Variants in TNXB observed in about 807,000 individuals in gnomAD.
The protein encoded by TNXB is tenascin-X.
Under a neutral mutation model 340.5 loss-of-function variants are expected in TNXB, and 183 were observed. The observed-to-expected ratio is 0.54, with a 90% CI of 0.48 to 0.61. The LOEUF (loss-of-function observed/expected upper bound fraction) is 0.61. TNXB is among the 20% of genes least tolerant of loss of function. The pLI is 0.00. For missense variants in TNXB, 4,613 were observed against 5,446.4 expected (o/e 0.85, Z 4.82); for synonymous variants, 2,121 against 2,314.5 (o/e 0.92, Z 2.40).
rs1778880016 is a variant in TNXB at position 32,073,231 on chromosome 6, G to C, written c.4681+416C>G. Among the ~76,000 whole-genome samples, 1 of 152,150 alleles carries C rather than the reference G, an allele frequency of 6.6e-6. No individual in the cohort carries two copies. Among genetic ancestry groups the C allele is most frequent in the African/African-American group, 2.4e-5 (1 of 41,434 alleles). Reference sequence around the variant, plus strand: ...GCAGGTGGCAGAGGACTCCTGAGAAGGGACTCAGGATGTAAAGCACTTCGC... The same window carrying C: ...GCAGGTGGCAGAGGACTCCTGAGAACGGACTCAGGATGTAAAGCACTTCGC... On this transcript the variant is annotated intron_variant, in intron 12 of 43. Transcript: ENST00000644971. This position sits in a 1 kb window ranked among gnomAD's most constrained non-coding sequence, Gnocchi z 4.6.
In TNXB at chr6:32,058,248, G is replaced by C; in HGVS notation, c.7635C>G (p.Pro2545=). 3 of 1,612,482 alleles carry C rather than the reference G, an allele frequency of 1.9e-6. No homozygotes were observed. Among genetic ancestry groups the C allele is most frequent in the Non-Finnish European group, 1.7e-6 (2 of 1,179,856 alleles). Residue 2545 remains proline (P), a synonymous_variant, in exon 22 of 44, where the codon CCC becomes CCG. Coordinates refer to ENST00000644971, the MANE Select transcript of TNXB (RefSeq NM_001365276.2). The surrounding 1 kb of genome is among the most constrained non-coding windows in gnomAD (Gnocchi z 5.1). Reference sequence around the variant, plus strand: ...CGGTGAAGGAGTCAAAGCGGCCCTGGGGGACGGTCCAGGAAAGGCTCAGCG... The same window carrying C: ...CGGTGAAGGAGTCAAAGCGGCCCTGCGGGACGGTCCAGGAAAGGCTCAGCG... ...PDSLSLSWTV[P]QGRFDSFTVQ...
In TNXB at chr6:32,041,425, C is replaced by T; in HGVS notation, c.12659G>A (p.Gly4220Asp). The change falls in exon 44 of 44, where the codon GGC becomes GAC. Residue 4220 changes from glycine (G) to aspartate (D), a missense_variant. This residue lies in a region of TNXB where 18 missense variants were observed against 60.7 expected (regional missense o/e 0.30). Coordinates refer to ENST00000644971, the MANE Select transcript of TNXB (RefSeq NM_001365276.2). ...CGTGAAGGGCACCGAGAACTCGAAG[C>T]CCTTCCAGTGGTACCAGCTCACTCC... ...HQGVSWYHWK[G>D]FEFSVPFTEM... 1.0e-6 allele frequency: 1 copy of T among 965,834 alleles called. No homozygotes were observed. Among genetic ancestry groups the T allele is most frequent in the Non-Finnish European group, 1.6e-6 (1 of 615,598 alleles). 59.8% of individuals were successfully genotyped at this position (965,834 alleles called of 1,614,324 possible).
chr6:32,061,417 A>C lies in TNXB; in HGVS notation c.7472T>G (p.Val2491Gly). The C allele has an allele frequency of 1.9e-6, 3 of 1,612,532 alleles. No homozygotes were observed. The highest frequency in any genetic ancestry group is 2.5e-6 in the Non-Finnish European group (3 of 1,179,412). The change falls in exon 21 of 44, where the codon GTG becomes GGG. Residue 2491 changes from valine (V) to glycine (G), a missense_variant. Physicochemically the swap from Val to Gly is moderately radical, Grantham distance 109. Coordinates refer to ENST00000644971, the MANE Select transcript of TNXB (RefSeq NM_001365276.2). This position sits in a 1 kb window ranked among gnomAD's most constrained non-coding sequence, Gnocchi z 4.4. ...CTCACCAGTCACGCCCACGGTGGAC[A>C]CCGGGCCCACGCGCCGCCCCTCGTG... ...GLHEGRRVGP[V>G]STVGVTAPQE...
chr6:32,067,381 AAG>A lies in TNXB; in HGVS notation c.6544+278_6544+279del, dbSNP rs145448507. Among the ~76,000 whole-genome samples the A allele has an allele frequency of 0.02, 3,051 of 152,268 alleles. 80 individuals are homozygous for A. Among genetic ancestry groups the A allele is most frequent in the African/African-American group, 0.069 (2,855 of 41,526 alleles). Reference sequence around the variant, plus strand: ...CAAAAATGTGTTCCAATCTCACAAAAAGAGTTATGTATAGAGTTCCAAGGAAA... The same window carrying A: ...CAAAAATGTGTTCCAATCTCACAAAAAGTTATGTATAGAGTTCCAAGGAAA... On this transcript the variant is annotated intron_variant, in intron 18 of 43. Transcript: ENST00000644971. The surrounding 1 kb of genome is among the most constrained non-coding windows in gnomAD (Gnocchi z 4.2).
In TNXB at chr6:32,085,950, G is replaced by A; in HGVS notation, c.2948C>T (p.Ala983Val). Residue 983 changes from alanine (A) to valine (V), a missense_variant, in exon 7 of 44, where the codon GCC (alanine) becomes GTC (valine). Physicochemically the swap from Ala to Val is moderately conservative, Grantham distance 64 (BLOSUM62 0). Coordinates refer to ENST00000644971, the MANE Select transcript of TNXB (RefSeq NM_001365276.2). The surrounding 1 kb of genome is among the most constrained non-coding windows in gnomAD (Gnocchi z 6.4). ...GAAGTAGGCAAAGGTGTCAGGCTGG[G>A]CGGTCCAGACCACACGGAGGCGCCC... is the stretch of plus-strand genomic sequence containing the variant. ...ETGRLRVVWT[A>V]QPDTFAYFQL... 1 of 1,608,470 alleles carries A rather than the reference G, an allele frequency of 6.2e-7. No homozygotes were observed. The highest frequency in any genetic ancestry group is 8.5e-7 in the Non-Finnish European group (1 of 1,178,816).
rs1168959509 is a variant in TNXB, at chr6:32,049,388, C to T, written c.9639G>A (p.Arg3213=). 1.9e-6 allele frequency: 3 copies of T among 1,612,606 alleles called. No homozygotes were observed. The highest frequency in any genetic ancestry group is 2.2e-5 in the East Asian group (1 of 44,874). The change falls in exon 28 of 44, where the codon AGG becomes AGA. Residue 3213 remains arginine (R), a synonymous_variant. Coordinates refer to ENST00000644971, the MANE Select transcript of TNXB (RefSeq NM_001365276.2). The surrounding 1 kb of genome is among the most constrained non-coding windows in gnomAD (Gnocchi z 4.5). ...CCACGGTGACCTCGCTCTCCTCGCC[C>T]CTGACACGCACCACCTGGGGCTGCC... ...RDGQPQVVRV[R]GEESEVTVGG...
rs1297640932 is a variant in TNXB, at chr6:32,053,563, G to A, written c.8616C>T (p.Asp2872=). 1.2e-6 allele frequency: 2 copies of A among 1,613,700 alleles called. No individual in the cohort carries two copies. Among genetic ancestry groups the A allele is most frequent in the South Asian group, 2.2e-5 (2 of 91,084 alleles). ...LSWMVPEGQF[D]HFLVQYRNGD... ...CATTCCTGTACTGGACCAGGAAGTG[G>A]TCAAACTGGCCCTCGGGGACCATCC... is the stretch of plus-strand genomic sequence containing the variant. The change falls in exon 25 of 44, where the codon GAC becomes GAT. Residue 2872 remains aspartate, a synonymous_variant. Coordinates refer to ENST00000644971, the MANE Select transcript of TNXB (RefSeq NM_001365276.2).
At chr6:32,103,558 T>C (rs1390083120) in intron 1 of TNXB, among the ~76,000 whole-genome samples, 1 of 152,074 alleles carries the variant, frequency 6.6e-6, no homozygotes, top group Non-Finnish European at 1.5e-5. Flanking sequence ...ATGTTTACAT[T>C]TCCTTATAGC....
intron 29 of TNXB, 124 bp downstream of exon 29, chr6:32,048,239 T>A: frequency 7.6e-6 from 9 of 1,184,324 alleles, no homozygotes; most frequent in Non-Finnish European, 9.2e-6. Context: ...GGCCTGGGTT[T>A]TCCTGGACCC....
chr6:32,078,438 ACT>A (rs1264273006), intron 11 of TNXB: 1 of 134,254 alleles, frequency 7.4e-6, no homozygotes, highest in Non-Finnish European at 1.5e-5. Context: ...ACAGAGTGAG[ACT>A]CTGTCTCAAA....
At position 32,081,211 on chromosome 6, in the gene TNXB, G is replaced by T. The variant is rs1562850750; in HGVS notation, c.4042+157C>A. 6.6e-6 allele frequency among the ~76,000 whole-genome samples: 1 copy of T among 152,142 alleles called. No individual in the cohort carries two copies. Among genetic ancestry groups the T allele is most frequent in the Non-Finnish European group, 1.5e-5 (1 of 68,040 alleles). On this transcript the variant is annotated intron_variant, in intron 10 of 43. Coordinates refer to ENST00000644971, the MANE Select transcript of TNXB (RefSeq NM_001365276.2). This position sits in a 1 kb window ranked among gnomAD's most constrained non-coding sequence, Gnocchi z 5.1. ...AGGCTGGATGAGGGGGACCTGGCAT[G>T]CAGAGGACAGGAGAGCAGTGCGGGA...
At position 32,095,813 on chromosome 6, in the gene TNXB, C is replaced by T; in HGVS notation, c.2040G>A (p.Gln680=). 1 of 1,612,634 alleles carries T rather than the reference C, an allele frequency of 6.2e-7. No homozygotes were observed. The highest frequency in any genetic ancestry group is 8.5e-7 in the Non-Finnish European group (1 of 1,179,368). Residue 680 remains glutamine (Q), a synonymous_variant, in exon 3 of 44, where the codon CAG becomes CAA. Transcript: ENST00000644971. ...GGCAGGCGCTGGCTGGAGGCTCTTC[C>T]TGCCCGCAGTCCTCACCGCCATAGC... ...HVGYGGEDCG[Q]EEPPASACPG... is the part of the protein sequence containing the mutation.
Position 32,089,286 on chromosome 6 carries a change from C to G in TNXB, c.2452G>C (p.Val818Leu), listed in dbSNP as rs1332228340. The change falls in exon 5 of 44, where the codon GTC (valine) becomes CTC (leucine). Residue 818 changes from valine (V) to leucine (L), a missense_variant. By Grantham distance (32) the Val-to-Leu change is conservative (BLOSUM62 1). Coordinates refer to ENST00000644971, the MANE Select transcript of TNXB (RefSeq NM_001365276.2). The surrounding 1 kb of genome is among the most constrained non-coding windows in gnomAD (Gnocchi z 6.2). ...RGLAPGQEYQ[V>L]TVRALRGTSW... Reference sequence around the variant, plus strand: ...GTCCCTCGAAGGGCTCGGACAGTGACCTGGTACTCCTGTCCAGGGGCCAGT... The same window carrying G: ...GTCCCTCGAAGGGCTCGGACAGTGAGCTGGTACTCCTGTCCAGGGGCCAGT... 3 of 1,607,654 alleles carry G rather than the reference C, an allele frequency of 1.9e-6. No homozygotes were observed. In the South Asian group the frequency reaches 3.3e-5, roughly 18 times the overall value.
chr6:32,084,305 C>T lies in TNXB; in HGVS notation c.3445+108G>A, dbSNP rs544293060. ...TTCCCTTCAGAATTCAGCTCATGCA[C>T]CACTGCCTCCAGGAAGCCTTCCCGG... On this transcript the variant is annotated intron_variant, in intron 8 of 43. Transcript: ENST00000644971. This position sits in a 1 kb window ranked among gnomAD's most constrained non-coding sequence, Gnocchi z 5.5. 3 of 1,108,950 alleles carry T rather than the reference C, an allele frequency of 2.7e-6. No individual in the cohort carries two copies. The highest frequency in any genetic ancestry group is 1.9e-5 in the South Asian group (1 of 52,162). The allele number at this position is 1,108,950 out of a possible 1,614,324, so 68.7% of individuals were successfully genotyped here.
Position 32,105,396 on chromosome 6 carries a change from A to G in TNXB, c.-9+3785T>C, listed in dbSNP as rs976390431. Among the ~76,000 whole-genome samples the G allele has an allele frequency of 3.3e-5, 5 of 152,234 alleles. 1 individual carries two copies. The highest frequency in any genetic ancestry group is 1.2e-4 in the African/African-American group (5 of 41,448). ...ATAAACAAATATTTTTTTGAAGTCC[A>G]AAGTAATAATAAATATACTGTGAGA... On this transcript the variant is annotated intron_variant, in intron 1 of 43. Transcript: ENST00000644971.
At chr6:32,066,880 G>A (rs530880999) in intron 18 of TNXB, among the ~76,000 whole-genome samples, 1 of 152,062 alleles carries the variant, frequency 6.6e-6, no homozygotes, top group Non-Finnish European at 1.5e-5. Context: ...GACTGGCCTG[G>A]GCAACATGGC....
In TNXB at chr6:32,061,668, C is replaced by G; in HGVS notation, c.7221G>C (p.Glu2407Asp). 1 of 1,612,650 alleles carries G rather than the reference C, an allele frequency of 6.2e-7. No individual in the cohort carries two copies. Among genetic ancestry groups the G allele is most frequent in the African/African-American group, 1.3e-5 (1 of 74,992 alleles). The change falls in exon 21 of 44, where the codon GAG (glutamate) becomes GAC (aspartate). Residue 2407 changes from glutamate to aspartate, a missense_variant. By Grantham distance (45) the Glu-to-Asp change is conservative (BLOSUM62 2). Coordinates refer to ENST00000644971, the MANE Select transcript of TNXB (RefSeq NM_001365276.2). The surrounding 1 kb of genome is among the most constrained non-coding windows in gnomAD (Gnocchi z 4.4). The stretch of plus-strand genomic sequence containing the variant: ...CCCCCAGGAGCGGCTCCTCAGGGGG[C>G]TCCGGGGCCTCCATGCTGGGTTCTG... ...SPTEPSMEAP[E>D]PPEEPLLGEL...
intron 4 of TNXB, among the ~76,000 whole-genome samples, chr6:32,094,095 C>CAAAAAAAAAAA (rs9281649): frequency 6.9e-5 from 2 of 28,970 alleles, no homozygotes; most frequent in African/African-American, 1.4e-4. Context: ...CTCTCTGTCT[C>CAAAAAAAAAAA]AAAAAAAAAA....
chr6:32,045,170 A>G lies in TNXB; in HGVS notation c.10763T>C (p.Val3588Ala). The G allele has an allele frequency of 6.2e-7, 1 of 1,613,088 alleles. No homozygotes were observed. Among genetic ancestry groups the G allele is most frequent in the Non-Finnish European group, 8.5e-7 (1 of 1,180,004 alleles). Reference protein sequence around the residue: ...VAQGPFDSFVVQYEDTNGQPQ... With the variant: ...VAQGPFDSFVAQYEDTNGQPQ... ...CTGCCCGTTCGTGTCCTCATACTGG[A>G]CCACGAAGGAATCAAAGGGGCCCTG... The change falls in exon 32 of 44, where the codon GTC becomes GCC. Residue 3588 changes from valine to alanine, a missense_variant. Val to Ala is a moderately conservative substitution (Grantham distance 64). This residue lies in a region of TNXB where 5 missense variants were observed against 154.9 expected (regional missense o/e 0.03). Coordinates refer to ENST00000644971, the MANE Select transcript of TNXB (RefSeq NM_001365276.2).
Sources: gnomAD v4.1 joint callset for allele counts (sites outside exome capture counted in the v4.1 genomes callset) on GRCh38, gnomAD v4.1.1 for gene constraint, gnomAD v4.1.1 regional missense constraint, Gnocchi (gnomAD v3.1) non-coding constraint, MANE v1.5 for transcripts, NCBI Gene and HGNC (gene_info 2026-07-23, HGNC 2026-07-21) for gene names.